The following ALK variants were observed in gnomAD, a reference collection of about 807,000 sequenced individuals.
ALK encodes ALK receptor tyrosine kinase.
Under a neutral mutation model 163.1 loss-of-function variants are expected in ALK, and 74 were observed. The ratio of observed to expected loss-of-function variants is 0.45; its 90% CI spans 0.38 to 0.55. ALK has a LOEUF of 0.55. Ranked by LOEUF, ALK falls within the 20% of genes least tolerant of loss-of-function variation. The pLI, the probability that ALK is intolerant of heterozygous loss-of-function variation, is 0.00. For synonymous variants in ALK, 960 were observed against 843.2 expected (o/e 1.14, Z -2.40); for missense variants, 2,063 against 2,105.3 (o/e 0.98, Z 0.39).
intron 3 of ALK, among the ~76,000 whole-genome samples, chr2:29,673,410 C>T (rs1185776850): frequency 9.3e-5 from 13 of 139,496 alleles, no homozygotes; most frequent in Admixed American, 8.6e-4. Context: ...AGCCAGTTTT[C>T]CCAGCACCAT....
Position 29,506,336 on chromosome 2 carries a change from A to G in ALK, c.1154+25579T>C, listed in dbSNP as rs565768329. On this transcript the variant is annotated intron_variant, in intron 4 of 28. Transcript: ENST00000389048. ...GCTAGATCAAGCCAAGGAGCATAGAATATGATCTCTAGTGGGGTAATAGAA... is the reference window on the plus strand; with the variant it reads ...GCTAGATCAAGCCAAGGAGCATAGAGTATGATCTCTAGTGGGGTAATAGAA... Among the ~76,000 whole-genome samples, 3 of 152,332 alleles carry G rather than the reference A, an allele frequency of 2.0e-5. No individual in the cohort carries two copies. In the South Asian group the frequency reaches 6.2e-4, roughly 32 times the overall value.
Position 29,227,088 on chromosome 2 carries a change from G to C in ALK, c.2915-14C>G. On this transcript the variant is annotated splice_polypyrimidine_tract_variant and intron_variant, in intron 17 of 28. Transcript: ENST00000389048. The surrounding 1 kb of genome is among the most constrained non-coding windows in gnomAD (Gnocchi z 4.4). ...GGCCTTCCATCACTAGTGACAAGGA[G>C]GGAGGGTCAGTCTTGGGCCGAGCCT... The C allele has an allele frequency of 6.2e-7, 1 of 1,614,102 alleles. No homozygotes were observed. The highest frequency in any genetic ancestry group is 8.5e-7 in the Non-Finnish European group (1 of 1,180,010).
intron 9 of ALK, among the ~76,000 whole-genome samples, chr2:29,285,568 T>C (rs574546987): frequency 3.7e-5 from 3 of 80,068 alleles, no homozygotes; most frequent in South Asian, 1.4e-3. Flanking sequence ...CCTCAGTGGC[T>C]CTTTTTTTTT....
intron 1 of ALK, among the ~76,000 whole-genome samples, chr2:29,764,945 C>G (rs1680816353): frequency 6.6e-6 from 1 of 152,110 alleles, no homozygotes; most frequent in Non-Finnish European, 1.5e-5. Context: ...TGGTGCTGTT[C>G]TCATGCTAGT....
At chr2:29,869,379 T>G (rs2148411383) in intron 1 of ALK, among the ~76,000 whole-genome samples, 2 of 152,316 alleles carry the variant, frequency 1.3e-5, no homozygotes, top group South Asian at 4.1e-4. Flanking sequence ...GATCAATGTG[T>G]TTTTATATCC....
chr2:29,459,773 C>A (rs1172019144), intron 4 of ALK, among the ~76,000 whole-genome samples: 3 of 152,088 alleles, frequency 2.0e-5, no homozygotes, highest in African/African-American at 7.2e-5. Flanking sequence ...AGGTCCCCAA[C>A]AATATCACTG....
At position 29,571,602 on chromosome 2, in the gene ALK, C is replaced by CTTTTTTTTTTTTT. The variant is rs60429543; in HGVS notation, c.953-39499_953-39487dup. On this transcript the variant is annotated intron_variant, in intron 3 of 28. Coordinates refer to ENST00000389048, the MANE Select transcript of ALK (RefSeq NM_004304.5). ...TAAATTACCTAGTCTTGGCTCATAT[C>CTTTTTTTTTTTTT]TTTTTTTTTTTTTTTTTTTTTTTTT... 1.1e-3 allele frequency among the ~76,000 whole-genome samples: 77 copies of CTTTTTTTTTTTTT among 68,518 alleles called. 2 individuals are homozygous for CTTTTTTTTTTTTT. The highest frequency in any genetic ancestry group is 1.5e-3 in the Non-Finnish European group (58 of 38,086). 45.0% of individuals were successfully genotyped at this position (68,518 alleles called of 152,430 possible).
At chr2:29,856,561 T>C (rs527693461) in intron 1 of ALK, among the ~76,000 whole-genome samples, 7 of 152,292 alleles carry the variant, frequency 4.6e-5, no homozygotes, top group Admixed American at 3.9e-4. Context: ...GGTGCAGGAA[T>C]AGATATTGGA....
chr2:29,417,835 T>C (rs1389921747), intron 4 of ALK, among the ~76,000 whole-genome samples: 3 of 152,212 alleles, frequency 2.0e-5, no homozygotes, highest in Admixed American at 2.0e-4. Context: ...AATATGACTG[T>C]CCCAAGTACT....
intron 10 of ALK, 73 bp downstream of exon 10, chr2:29,275,329 G>A: frequency 6.2e-7 from 1 of 1,608,530 alleles, no homozygotes; most frequent in Non-Finnish European, 8.5e-7. Flanking sequence ...TCAGGCTTAG[G>A]CTGAGGAGGG....
chr2:29,598,580 C>T (rs1675283822), intron 3 of ALK, among the ~76,000 whole-genome samples: 1 of 152,126 alleles, frequency 6.6e-6, no homozygotes, highest in Admixed American at 6.5e-5. Flanking sequence ...CAAAGGGCAT[C>T]AGGCTCTGGT....
At chr2:29,910,210 AAT>A (rs1667665666) in intron 1 of ALK, among the ~76,000 whole-genome samples, 1 of 152,184 alleles carries the variant, frequency 6.6e-6, no homozygotes, top group Non-Finnish European at 1.5e-5. Context: ...GCTGAAAATC[AAT>A]ACAGTATCTA....
rs183549078 is a variant in ALK, at chr2:29,734,945, T to A, written c.668-17248A>T. On this transcript the variant is annotated intron_variant, in intron 1 of 28. Coordinates refer to ENST00000389048, the MANE Select transcript of ALK (RefSeq NM_004304.5). ...TCCTGGTAGAAGTATGAATTGTAAA[T>A]TTAATTTTTTTAATAATAATGTAAT... is the stretch of plus-strand genomic sequence containing the variant. 1.1e-4 allele frequency among the ~76,000 whole-genome samples: 17 copies of A among 152,284 alleles called. No homozygotes were observed. The East Asian group carries it at 2.5e-3, about 22-fold the overall frequency.
At chr2:29,414,909 C>A (rs1669829361) in intron 4 of ALK, among the ~76,000 whole-genome samples, 1 of 142,180 alleles carries the variant, frequency 7.0e-6, no homozygotes, top group African/African-American at 2.7e-5. Context: ...AGGAAGCCTG[C>A]ACAAGAAGGG....
intron 4 of ALK, among the ~76,000 whole-genome samples, chr2:29,403,232 A>T (rs1454058177): frequency 6.6e-6 from 1 of 152,198 alleles, no homozygotes; most frequent in African/African-American, 2.4e-5. Context: ...CAGAAAAGCC[A>T]AAGGCCAAAG....
In ALK at chr2:29,586,613, T is replaced by C. The variant is rs1365419666; in HGVS notation, c.953-54497A>G. Among the ~76,000 whole-genome samples, 3 of 152,330 alleles carry C rather than the reference T, an allele frequency of 2.0e-5. No individual in the cohort carries two copies. The East Asian group carries it at 5.8e-4, about 29-fold the overall frequency. On this transcript the variant is annotated intron_variant, in intron 3 of 28. Transcript: ENST00000389048. ...CCAAGCTCCTCTGGGATAGTGGTCC[T>C]GTTATCTACCTGGGAAATAGGAACA...
intron 4 of ALK, among the ~76,000 whole-genome samples, chr2:29,528,278 GGA>G (rs1673016069): frequency 1.3e-5 from 2 of 151,992 alleles, no homozygotes; most frequent in African/African-American, 2.4e-5. Flanking sequence ...TAGGAGCCCT[GGA>G]GAGTGTCTCC....
chr2:29,684,550 T>C (rs548452259), intron 3 of ALK, among the ~76,000 whole-genome samples: 2 of 152,330 alleles, frequency 1.3e-5, no homozygotes, highest in Admixed American at 1.3e-4. Flanking sequence ...ACAGCACTCC[T>C]CAACCTGGCC....
intron 1 of ALK, among the ~76,000 whole-genome samples, chr2:29,840,124 C>T (rs371149505): frequency 6.6e-6 from 1 of 152,176 alleles, no homozygotes; most frequent in East Asian, 1.9e-4. Context: ...ACATATATGT[C>T]TCATATATCC....
Sources: allele counts gnomAD v4.1 joint callset (sites outside exome capture counted in the v4.1 genomes callset), GRCh38; gene constraint gnomAD v4.1.1; non-coding constraint Gnocchi (gnomAD v3.1); transcripts MANE v1.5; gene names NCBI Gene and HGNC (gene_info 2026-07-23, HGNC 2026-07-21).